NRG3: variants seen among roughly 807,000 people sequenced by gnomAD.
NRG3 encodes pro-neuregulin-3, membrane-bound isoform.
A neutral mutation model predicts 66.9 loss-of-function variants in NRG3; 31 were observed. The ratio of observed to expected loss-of-function variants is 0.46; its 90% CI spans 0.35 to 0.63. NRG3 has a LOEUF of 0.63. NRG3 is among the 20% of genes least tolerant of loss of function. NRG3 has a pLI of 0.00. For missense variants in NRG3, 910 were observed against 878.9 expected, an observed-to-expected ratio of 1.04 and a Z score of -0.45; for synonymous variants, 393 against 359.4, an observed-to-expected ratio of 1.09 and a Z score of -1.06.
intron 2 of NRG3, among the ~76,000 whole-genome samples, chr10:82,451,363 G>C (rs777375056): frequency 1.3e-5 from 2 of 152,110 alleles, no homozygotes; most frequent in African/African-American, 2.4e-5. Flanking sequence ...ATCCTAGAAG[G>C]CCTCCAGTAC....
At chr10:82,844,038 A>T (rs1030361906) in intron 3 of NRG3, among the ~76,000 whole-genome samples, 7 of 152,186 alleles carry the variant, frequency 4.6e-5, no homozygotes, top group African/African-American at 7.2e-5. Flanking sequence ...ATAAATATAT[A>T]TAAGAACACA....
chr10:82,549,074 C>T (rs1300266960), intron 2 of NRG3, among the ~76,000 whole-genome samples: 1 of 152,172 alleles, frequency 6.6e-6, no homozygotes, highest in African/African-American at 2.4e-5. Context: ...CATACCTTCA[C>T]TCCAGCATTT....
At chr10:82,603,404 A>T (rs1280480799) in intron 2 of NRG3, among the ~76,000 whole-genome samples, 1 of 152,196 alleles carries the variant, frequency 6.6e-6, no homozygotes, top group Admixed American at 6.6e-5. Context: ...TTGTATAGTC[A>T]CAAAGGCAAG....
At chr10:82,374,630 TG>T (rs1434584889) in intron 2 of NRG3, among the ~76,000 whole-genome samples, 3 of 152,182 alleles carry the variant, frequency 2.0e-5, no homozygotes, top group African/African-American at 7.2e-5. Flanking sequence ...GTGGTAGGTC[TG>T]GGGTGGGGCC....
chr10:82,818,485 C>T (rs1307809693), intron 3 of NRG3, among the ~76,000 whole-genome samples: 3 of 152,102 alleles, frequency 2.0e-5, no homozygotes, highest in African/African-American at 7.2e-5. Flanking sequence ...AGGTTTTCTT[C>T]TTTTAGACAC....
chr10:82,443,297 G>A (rs567842952), intron 2 of NRG3, among the ~76,000 whole-genome samples: 13 of 152,130 alleles, frequency 8.5e-5, no homozygotes, highest in African/African-American at 3.1e-4. Context: ...ACCAGCTTCG[G>A]TAATTTGAGT....
At chr10:82,827,583 AG>A (rs1393437146) in intron 3 of NRG3, among the ~76,000 whole-genome samples, 3 of 152,238 alleles carry the variant, frequency 2.0e-5, no homozygotes, top group African/African-American at 7.2e-5. Flanking sequence ...TAATTTTAAT[AG>A]TAGCTAATTA....
At chr10:82,462,663 T>G (rs1191356745) in intron 2 of NRG3, among the ~76,000 whole-genome samples, 1 of 152,126 alleles carries the variant, frequency 6.6e-6, no homozygotes, top group East Asian at 1.9e-4. Context: ...ATGCGGGGAC[T>G]GAGAGGGGAA....
intron 4 of NRG3, among the ~76,000 whole-genome samples, chr10:82,929,825 G>A (rs529680618): frequency 6.0e-5 from 9 of 149,168 alleles, no homozygotes; most frequent in South Asian, 2.1e-4. Context: ...GCAGTGAGCC[G>A]AGATTGTGCC....
intron 1 of NRG3, among the ~76,000 whole-genome samples, chr10:81,935,326 T>A (rs750416994): frequency 1.3e-5 from 2 of 152,226 alleles, no homozygotes; most frequent in Non-Finnish European, 2.9e-5. Context: ...AATGGAGTTC[T>A]GTCATTATAT....
intron 3 of NRG3, among the ~76,000 whole-genome samples, chr10:82,771,754 C>A (rs1395209739): frequency 1.3e-5 from 2 of 152,132 alleles, no homozygotes; most frequent in African/African-American, 2.4e-5. Context: ...TGGCTGACAT[C>A]AAATTGTCCA....
At chr10:82,200,520 A>T (rs1203736072) in intron 1 of NRG3, among the ~76,000 whole-genome samples, 1 of 152,174 alleles carries the variant, frequency 6.6e-6, no homozygotes, top group East Asian at 1.9e-4. Flanking sequence ...CTCACAAGGA[A>T]TGAGGGGATA....
chr10:82,670,551 A>C lies in NRG3; in HGVS notation c.954-68026A>C, dbSNP rs1591102482. Among the ~76,000 whole-genome samples the C allele has an allele frequency of 2.6e-5, 4 of 152,168 alleles. No homozygotes were observed. In the East Asian group the frequency reaches 7.7e-4, roughly 29 times the overall value. On this transcript the variant is annotated intron_variant, in intron 2 of 8. Coordinates refer to ENST00000372141, the MANE Select transcript of NRG3 (RefSeq NM_001010848.4). ...ATCAAACCTGTAGGAAGATTCTCTC[A>C]TGACCACCATGTTATTTCAGGCAGT...
At chr10:82,702,153 G>T (rs1228322494) in intron 2 of NRG3, among the ~76,000 whole-genome samples, 2 of 152,122 alleles carry the variant, frequency 1.3e-5, no homozygotes, top group African/African-American at 2.4e-5. Flanking sequence ...AGGCTGTGAT[G>T]CATCTCATCT....
chr10:82,882,303 G>A lies in NRG3; in HGVS notation c.1054+16866G>A, dbSNP rs182443994. On this transcript the variant is annotated intron_variant, in intron 4 of 8. Transcript: ENST00000372141. ...ACACAAACGACATTATCTCATTCCA[G>A]TCTCAGCTGGAATTTCAAATCCCAT... is the stretch of plus-strand genomic sequence containing the variant. Among the ~76,000 whole-genome samples, 22 of 152,290 alleles carry A rather than the reference G, an allele frequency of 1.4e-4. No individual in the cohort carries two copies. The East Asian group carries it at 4.1e-3, about 28-fold the overall frequency.
At chr10:82,764,108 C>T (rs1037291512) in intron 3 of NRG3, among the ~76,000 whole-genome samples, 3 of 152,032 alleles carry the variant, frequency 2.0e-5, no homozygotes, top group Admixed American at 6.6e-5. Flanking sequence ...GGTCTTGGCT[C>T]ACTGCAACTT....
At chr10:82,359,723 T>G (rs2084002925) in intron 2 of NRG3, among the ~76,000 whole-genome samples, 1 of 152,224 alleles carries the variant, frequency 6.6e-6, no homozygotes, top group African/African-American at 2.4e-5. Context: ...CCCCTTTTCT[T>G]CTCTTTATTT....
intron 4 of NRG3, among the ~76,000 whole-genome samples, chr10:82,908,414 C>A (rs1844966400): frequency 6.6e-6 from 1 of 152,130 alleles, no homozygotes; most frequent in Admixed American, 6.6e-5. Context: ...ACACCTTGAC[C>A]TGAGCAGAAG....
chr10:82,153,118 T>A (rs1296496730), intron 1 of NRG3, among the ~76,000 whole-genome samples: 1 of 152,124 alleles, frequency 6.6e-6, no homozygotes, highest in Non-Finnish European at 1.5e-5. Context: ...AATATATTTT[T>A]ATCAGCTATG....
Sources: gnomAD v4.1 joint callset for allele counts (sites outside exome capture counted in the v4.1 genomes callset) on GRCh38, gnomAD v4.1.1 for gene constraint, MANE v1.5 for transcripts, NCBI Gene and HGNC (gene_info 2026-07-23, HGNC 2026-07-21) for gene names.